The following ADORA2B variants were observed in gnomAD, a reference collection of about 807,000 sequenced individuals.
The protein encoded by ADORA2B is adenosine A2b receptor.
In ADORA2B, 18 loss-of-function variants were observed where a neutral mutation model predicts 20.8. The observed-to-expected ratio is 0.87, with a 90% CI of 0.60 to 1.29. ADORA2B has a LOEUF of 1.29. Among genes scored for constraint, ADORA2B ranks in the 50% most tolerant of loss-of-function variants. ADORA2B has a pLI of 0.00. For missense variants in ADORA2B, 441 were observed against 422.7 expected (o/e 1.04, Z -0.38); for synonymous variants, 179 against 178.3 (o/e 1.00, Z -0.03).
chr17:15,902,217 C>CT, the ADORA2B span, among the ~76,000 whole-genome samples: 13,094 of 147,118 alleles, frequency 0.089, 724 homozygotes, highest in South Asian at 0.23. Context: ...GATTCCCTTC[C>CT]TTTTTTTTTT....
intron 1 of ADORA2B, among the ~76,000 whole-genome samples, chr17:15,946,018 C>T (rs540832574): frequency 6.6e-6 from 1 of 152,294 alleles, no homozygotes; most frequent in African/African-American, 2.4e-5. Context: ...GCGGCAGTCC[C>T]GTGAGTGCTG....
In ADORA2B at chr17:15,961,378, C is replaced by T. The variant is rs79418731; in HGVS notation, c.336-13301C>T. Among the ~76,000 whole-genome samples the T allele has an allele frequency of 5.3e-4, 80 of 152,230 alleles. 2 individuals are homozygous for T. In the East Asian group the frequency reaches 0.015, roughly 28 times the overall value. ...TCCTTATGGTTACATTCAGGTTAAACCTTTTTGGTGGCAATACTGTCTACA... is the reference window on the plus strand; with the variant it reads ...TCCTTATGGTTACATTCAGGTTAAATCTTTTTGGTGGCAATACTGTCTACA... On this transcript the variant is annotated intron_variant, in intron 1 of 1. Coordinates refer to ENST00000304222, the MANE Select transcript of ADORA2B (RefSeq NM_000676.4).
the ADORA2B span, among the ~76,000 whole-genome samples, chr17:15,879,576 C>T: frequency 6.9e-6 from 1 of 145,504 alleles, no homozygotes; most frequent in Admixed American, 6.9e-5. Context: ...CTTGCTCTGT[C>T]ACCCAGGCTG....
At chr17:15,890,500 T>TTTA in the ADORA2B span, among the ~76,000 whole-genome samples, 3 of 148,410 alleles carry the variant, frequency 2.0e-5, 1 homozygote, top group African/African-American at 7.5e-5. Flanking sequence ...TTATTTATTT[T>TTTA]TTGTATTTTG....
chr17:15,945,827 T>C (rs900328804), intron 1 of ADORA2B, among the ~76,000 whole-genome samples: 7 of 149,658 alleles, frequency 4.7e-5, no homozygotes, highest in Admixed American at 1.3e-4. Context: ...CTCTAGGGGG[T>C]CCGGGGAGTG....
intron 1 of ADORA2B, among the ~76,000 whole-genome samples, chr17:15,966,315 A>C (rs73276041): frequency 0.027 from 4,071 of 152,328 alleles, 181 homozygotes; most frequent in African/African-American, 0.093. Context: ...AAGCCTCAGC[A>C]GCAGGTTGGA....
chr17:15,885,922 T>C, the ADORA2B span, among the ~76,000 whole-genome samples: 1 of 152,286 alleles, frequency 6.6e-6, no homozygotes, highest in Non-Finnish European at 1.5e-5. Context: ...TTGGGTTGGT[T>C]TGTTACTCTT....
the ADORA2B span, among the ~76,000 whole-genome samples, chr17:15,939,925 A>G: frequency 2.0e-5 from 3 of 151,304 alleles, no homozygotes; most frequent in Non-Finnish European, 1.5e-5. Context: ...GAGTGAATGT[A>G]TGTGTAACAT....
At chr17:15,923,206 A>ATTTTTTTTTTTTTTTTTTTTTTT in the ADORA2B span, among the ~76,000 whole-genome samples, 5 of 113,524 alleles carry the variant, frequency 4.4e-5, no homozygotes, top group Non-Finnish European at 8.8e-5. Context: ...TCTTTTTTTA[A>ATTTTTTTTTTTTTTTTTTTTTTT]TTTTTTTTTT....
chr17:15,857,877 A>G, the ADORA2B span, among the ~76,000 whole-genome samples: 1 of 151,896 alleles, frequency 6.6e-6, no homozygotes, highest in African/African-American at 2.4e-5. Flanking sequence ...TTGACTTAGC[A>G]TAATGTCTTC....
intron 1 of ADORA2B, among the ~76,000 whole-genome samples, chr17:15,957,438 G>T (rs115311614): frequency 6.6e-6 from 1 of 152,168 alleles, no homozygotes; most frequent in African/African-American, 2.4e-5. Flanking sequence ...GCACATAGTC[G>T]TGTGCTTCTG....
rs1051988428 is a variant in ADORA2B, at chr17:15,973,359, A to T, written c.336-1320A>T. On this transcript the variant is annotated intron_variant, in intron 1 of 1. Transcript: ENST00000304222. ...TACCACATATATCTCCATACTGTTT[A>T]TTATTATGTTTACCCCTGCTAGATC... Among the ~76,000 whole-genome samples, 4 of 152,184 alleles carry T rather than the reference A, an allele frequency of 2.6e-5. No individual in the cohort carries two copies. In the East Asian group the frequency reaches 7.7e-4, roughly 29 times the overall value.
chr17:15,958,382 A>G (rs914222379), intron 1 of ADORA2B, among the ~76,000 whole-genome samples: 1 of 152,104 alleles, frequency 6.6e-6, no homozygotes, highest in Non-Finnish European at 1.5e-5. Context: ...CGTCTGCCCC[A>G]TTCCAGGGCA....
At chr17:15,963,572 T>C (rs915538035) in intron 1 of ADORA2B, among the ~76,000 whole-genome samples, 1 of 152,196 alleles carries the variant, frequency 6.6e-6, no homozygotes, top group African/African-American at 2.4e-5. Context: ...TCTCAGGGAC[T>C]GCTTATTTTA....
chr17:15,901,964 C>T, the ADORA2B span, among the ~76,000 whole-genome samples: 1 of 152,060 alleles, frequency 6.6e-6, no homozygotes, highest in South Asian at 2.1e-4. Flanking sequence ...AGCTGTCACA[C>T]CTTCCTCTCC....
intron 1 of ADORA2B, among the ~76,000 whole-genome samples, chr17:15,961,087 AACCT>A (rs1970032713): frequency 6.6e-6 from 1 of 151,348 alleles, no homozygotes; most frequent in African/African-American, 2.4e-5. Flanking sequence ...GAATGGCGTG[AACCT>A]GGGAGGCGGA....
At chr17:15,874,308 T>C in the ADORA2B span, among the ~76,000 whole-genome samples, 2 of 152,002 alleles carry the variant, frequency 1.3e-5, no homozygotes, top group Admixed American at 1.3e-4. Context: ...TGGTAGACTT[T>C]AGAGACTCAT....
At chr17:15,888,559 G>A in the ADORA2B span, among the ~76,000 whole-genome samples, 1 of 126,646 alleles carries the variant, frequency 7.9e-6, no homozygotes, top group Admixed American at 7.9e-5. Flanking sequence ...CGTCTCTTAA[G>A]TGGAGGATTT....
chr17:15,969,303 A>T (rs1180588204), intron 1 of ADORA2B, among the ~76,000 whole-genome samples: 5 of 151,818 alleles, frequency 3.3e-5, no homozygotes, highest in Non-Finnish European at 5.9e-5. Flanking sequence ...ACAAAAAAAG[A>T]AATAGCCGGG....
Sources: gnomAD v4.1 joint callset for allele counts (sites outside exome capture counted in the v4.1 genomes callset) on GRCh38, gnomAD v4.1.1 for gene constraint, MANE v1.5 for transcripts, NCBI Gene and HGNC (gene_info 2026-07-23, HGNC 2026-07-21) for gene names.